CTXND2: variants seen among roughly 807,000 people sequenced by gnomAD.
CTXND2 encodes cortexin domain containing 2.
At chr1:150,893,316 T>C (rs972891311) in intron 1 of CTXND2, among the ~76,000 whole-genome samples, 1 of 152,210 alleles carries the variant, frequency 6.6e-6, no homozygotes, top group Non-Finnish European at 1.5e-5. Context: ...CAATCCATTT[T>C]TTTTCATCTT....
chr1:150,905,994 A>G (rs1039607065), intron 1 of CTXND2, among the ~76,000 whole-genome samples: 1 of 151,312 alleles, frequency 6.6e-6, no homozygotes, highest in Non-Finnish European at 1.5e-5. Flanking sequence ...CATCTCAAAA[A>G]AAAAAGAAGG....
chr1:150,905,434 T>C (rs1669125037), intron 1 of CTXND2, among the ~76,000 whole-genome samples: 1 of 151,880 alleles, frequency 6.6e-6, no homozygotes, highest in African/African-American at 2.4e-5. Context: ...GCATGAGCCG[T>C]GGCACCCGGC....
At chr1:150,903,688 C>A (rs188453206) in intron 1 of CTXND2, among the ~76,000 whole-genome samples, 1 of 151,526 alleles carries the variant, frequency 6.6e-6, no homozygotes, top group East Asian at 1.9e-4. Flanking sequence ...ATCCCAGCTG[C>A]TCGGGAGGCT....
intron 1 of CTXND2, among the ~76,000 whole-genome samples, chr1:150,905,167 C>T (rs1330791411): frequency 2.1e-5 from 3 of 142,766 alleles, no homozygotes; most frequent in Non-Finnish European, 4.5e-5. Flanking sequence ...TTTTTTAGGC[C>T]GAGTTTCATT....
chr1:150,903,470 T>C (rs1669078448), intron 1 of CTXND2, among the ~76,000 whole-genome samples: 1 of 151,706 alleles, frequency 6.6e-6, no homozygotes, highest in African/African-American at 2.4e-5. Context: ...AAGATACCAG[T>C]ATGAGATGAA....
chr1:150,905,304 C>T (rs1669120782), intron 1 of CTXND2, among the ~76,000 whole-genome samples: 1 of 151,976 alleles, frequency 6.6e-6, no homozygotes, highest in African/African-American at 2.4e-5. Context: ...CCACCATGCC[C>T]AGCTAGTTTT....
chr1:150,897,911 G>A (rs1668931544), intron 1 of CTXND2, among the ~76,000 whole-genome samples: 1 of 152,150 alleles, frequency 6.6e-6, no homozygotes, highest in South Asian at 2.1e-4. Flanking sequence ...GTACCATAAT[G>A]ACCACAACTC....
At chr1:150,903,085 G>A (rs1203395318) in intron 1 of CTXND2, among the ~76,000 whole-genome samples, 1 of 151,928 alleles carries the variant, frequency 6.6e-6, no homozygotes, top group Non-Finnish European at 1.5e-5. Context: ...TTTTATTTTG[G>A]CCTAAATTTA....
chr1:150,893,465 T>G (rs587706747), intron 1 of CTXND2, among the ~76,000 whole-genome samples: 7 of 152,240 alleles, frequency 4.6e-5, no homozygotes, highest in Admixed American at 2.0e-4. Flanking sequence ...TATAGTTTTT[T>G]TTGTTGTTGT....
Position 150,898,959 on chromosome 1 carries a change from G to A in CTXND2, c.-74+11646G>A, listed in dbSNP as rs1455419281. Among the ~76,000 whole-genome samples the A allele has an allele frequency of 1.0e-4, 15 of 149,258 alleles. No homozygotes were observed. In the South Asian group the frequency reaches 1.0e-3, roughly 10 times the overall value. ...ATATATATATATATATTAGCTGGGCGTGGTGGCAGGCGCCTGTTGTCCCAG... is the reference window on the plus strand; with the variant it reads ...ATATATATATATATATTAGCTGGGCATGGTGGCAGGCGCCTGTTGTCCCAG... On this transcript the variant is annotated intron_variant, in intron 1 of 1. Coordinates refer to ENST00000636087, the Ensembl canonical transcript of CTXND2.
At chr1:150,898,422 C>T (rs950385852) in intron 1 of CTXND2, among the ~76,000 whole-genome samples, 6 of 151,968 alleles carry the variant, frequency 3.9e-5, no homozygotes, top group Non-Finnish European at 8.8e-5. Context: ...TCAGACTGGA[C>T]CCTATCTGTG....
chr1:150,900,723 T>G (rs368353265), intron 1 of CTXND2, among the ~76,000 whole-genome samples: 7 of 151,756 alleles, frequency 4.6e-5, no homozygotes, highest in Non-Finnish European at 7.4e-5. Flanking sequence ...AGGGGTAATA[T>G]CCCTAGTGTA....
chr1:150,889,965 T>C (rs1168655633), intron 1 of CTXND2, among the ~76,000 whole-genome samples: 2 of 152,134 alleles, frequency 1.3e-5, no homozygotes, highest in Non-Finnish European at 2.9e-5. Flanking sequence ...AATGTTTATC[T>C]GCTCAAAACC....
chr1:150,909,060 T>G, intron 1 of CTXND2, among the ~76,000 whole-genome samples: 1 of 151,202 alleles, frequency 6.6e-6, no homozygotes, highest in East Asian at 2.0e-4. Flanking sequence ...GCCAACATGG[T>G]GAAACCCGAC....
At chr1:150,903,010 T>C (rs1669069030) in intron 1 of CTXND2, among the ~76,000 whole-genome samples, 2 of 152,294 alleles carry the variant, frequency 1.3e-5, no homozygotes, top group Non-Finnish European at 1.5e-5. Context: ...ATTGTCTAGC[T>C]ACTTGCTCTG....
intron 1 of CTXND2, among the ~76,000 whole-genome samples, chr1:150,910,409 C>T (rs907386969): frequency 3.3e-5 from 5 of 151,864 alleles, no homozygotes; most frequent in South Asian, 2.1e-4. Flanking sequence ...GTATTATAGG[C>T]GTGAGCCACC....
exon 2 of CTXND2, chr1:150,912,304 T>A: frequency 2.5e-6 from 1 of 398,544 alleles, no homozygotes. Flanking sequence ...AGTAACGAGG[T>A]GCAAGTCCCC....
chr1:150,908,659 G>A (rs1265734364), intron 1 of CTXND2, among the ~76,000 whole-genome samples: 3 of 151,772 alleles, frequency 2.0e-5, no homozygotes, highest in South Asian at 2.1e-4. Context: ...GTCTCTCTCC[G>A]TCACCCAGGC....
At chr1:150,895,692 C>T (rs934141467) in intron 1 of CTXND2, among the ~76,000 whole-genome samples, 7 of 152,336 alleles carry the variant, frequency 4.6e-5, no homozygotes, top group African/African-American at 1.7e-4. Context: ...ACAATTCCCA[C>T]TGCGGAGGCC....
Sources: gnomAD v4.1 joint callset for allele counts (sites outside exome capture counted in the v4.1 genomes callset) on GRCh38, gnomAD v4.1.1 for gene constraint, MANE v1.5 for transcripts, NCBI Gene and HGNC (gene_info 2026-07-23, HGNC 2026-07-21) for gene names.